Variants in CCNI observed in about 807,000 individuals in gnomAD.
CCNI encodes the protein cyclin I.
Under a neutral mutation model 34.1 loss-of-function variants are expected in CCNI, and 14 were observed. The observed-to-expected ratio is 0.41, with a 90% CI of 0.27 to 0.64. The LOEUF is 0.64. CCNI is among the 30% of genes least tolerant of loss of function. The pLI, the probability that CCNI is intolerant of heterozygous loss-of-function variation, is 0.31. For missense variants in CCNI, 385 were observed against 440.5 expected (o/e 0.87, Z 1.13); for synonymous variants, 154 against 158.4 (o/e 0.97, Z 0.21).
chr4:77,069,372 G>A (rs748493456), intron 1 of CCNI, among the ~76,000 whole-genome samples: 13 of 152,096 alleles, frequency 8.5e-5, no homozygotes, highest in Non-Finnish European at 1.5e-4. Context: ...GCAACAGAAT[G>A]AGACCGTGTC....
At position 77,047,356 on chromosome 4, in the gene CCNI, A is replaced by G. The variant is rs960637957; in HGVS notation, c.*863T>C. ...CTAGGGTACTAAATTCAGTTATAAC[A>G]TGTTACAGACTTAAATCATAGAGCT... On this transcript the variant is annotated 3_prime_UTR_variant, in exon 7 of 7. Transcript: ENST00000237654. 3.3e-5 allele frequency: 5 copies of G among 152,216 alleles called. No individual in the cohort carries two copies. Among genetic ancestry groups the G allele is most frequent in the African/African-American group, 1.2e-4 (5 of 41,460 alleles). 9.4% of individuals were successfully genotyped at this position (152,216 alleles called of 1,614,324 possible).
At chr4:77,058,947 CA>C in intron 2 of CCNI, among the ~76,000 whole-genome samples, 1 of 148,588 alleles carries the variant, frequency 6.7e-6, no homozygotes, top group Non-Finnish European at 1.5e-5. Context: ...ACACTATTAT[CA>C]ACTGATAGTA....
chr4:77,064,184 A>G (rs1312181829), intron 2 of CCNI, among the ~76,000 whole-genome samples: 1 of 152,012 alleles, frequency 6.6e-6, no homozygotes, highest in East Asian at 1.9e-4. Flanking sequence ...CCGAGGTTAC[A>G]GTGAGCCGAG....
intron 2 of CCNI, among the ~76,000 whole-genome samples, chr4:77,065,783 G>T (rs1254287101): frequency 6.6e-6 from 1 of 152,166 alleles, no homozygotes; most frequent in Non-Finnish European, 1.5e-5. Flanking sequence ...GAAAGAAAAG[G>T]CCACAGCAGG....
chr4:77,070,451 T>G (rs1729372681), intron 1 of CCNI, among the ~76,000 whole-genome samples: 9 of 151,330 alleles, frequency 5.9e-5, no homozygotes. Flanking sequence ...CCCAACCCAT[T>G]GTGTGCGAGG....
chr4:77,066,011 G>C (rs1054470686), intron 2 of CCNI, among the ~76,000 whole-genome samples: 4 of 152,182 alleles, frequency 2.6e-5, no homozygotes, highest in African/African-American at 9.7e-5. Flanking sequence ...TGAGGTGAGA[G>C]GATTGCTTGA....
chr4:77,058,142 G>A (rs776365123), intron 3 of CCNI, among the ~76,000 whole-genome samples: 9 of 152,128 alleles, frequency 5.9e-5, no homozygotes, highest in South Asian at 2.1e-4. Context: ...ATGACTTGAC[G>A]TCGGGAGTTC....
chr4:77,061,372 A>C (rs1728594398), intron 2 of CCNI, among the ~76,000 whole-genome samples: 1 of 152,210 alleles, frequency 6.6e-6, no homozygotes, highest in Non-Finnish European at 1.5e-5. Context: ...GTATTTCCTG[A>C]TTCCATCAGG....
chr4:77,074,480 CCA>C (rs1035668321), intron 1 of CCNI, among the ~76,000 whole-genome samples: 3 of 152,178 alleles, frequency 2.0e-5, no homozygotes, highest in Non-Finnish European at 4.4e-5. Flanking sequence ...AGGACAGAGA[CCA>C]CACAGCGTAG....
At chr4:77,071,072 G>C (rs968565182) in intron 1 of CCNI, among the ~76,000 whole-genome samples, 1 of 152,156 alleles carries the variant, frequency 6.6e-6, no homozygotes. Flanking sequence ...AGTGACTCAA[G>C]TTCCTTCACT....
chr4:77,063,979 C>T lies in CCNI; in HGVS notation c.114+2270G>A, dbSNP rs898545567. 4.6e-5 allele frequency among the ~76,000 whole-genome samples: 7 copies of T among 151,936 alleles called. No homozygotes were observed. The South Asian group carries it at 6.2e-4, about 14-fold the overall frequency. ...GGCCAGATTTGGGTGTGGTTGCTCA[C>T]GCCTGTAATCCCAGCACTTTGGGTT... On this transcript the variant is annotated intron_variant, in intron 2 of 6. Coordinates refer to ENST00000237654, the MANE Select transcript of CCNI (RefSeq NM_006835.3).
intron 1 of CCNI, among the ~76,000 whole-genome samples, chr4:77,071,387 GC>G (rs1729456672): frequency 6.6e-6 from 1 of 152,116 alleles, no homozygotes; most frequent in Non-Finnish European, 1.5e-5. Flanking sequence ...ACCTGAAAAT[GC>G]CTCTACTAAA....
rs1462490474 is a variant in CCNI at position 77,075,713 on chromosome 4, G to T, written c.-285C>A. ...GGCCGCTGGGTCGGTCAGCGAATTAGTTCCATGATGACCCCCGGCCTGAGG... is the reference window on the plus strand; with the variant it reads ...GGCCGCTGGGTCGGTCAGCGAATTATTTCCATGATGACCCCCGGCCTGAGG... On this transcript the variant is annotated 5_prime_UTR_variant, in exon 1 of 7. Transcript: ENST00000237654. 3.5e-6 allele frequency: 1 copy of T among 282,374 alleles called. No homozygotes were observed. The highest frequency in any genetic ancestry group is 5.4e-6 in the Non-Finnish European group (1 of 186,862). The allele number at this position is 282,374 out of a possible 1,614,324, so 17.5% of individuals were successfully genotyped here.
rs763485436 is a variant in CCNI at position 77,058,520 on chromosome 4, A to G, written c.230T>C (p.Leu77Ser). The G allele has an allele frequency of 8.1e-6, 13 of 1,612,900 alleles. No individual in the cohort carries two copies. The South Asian group carries it at 1.4e-4, about 18-fold the overall frequency. Residue 77 changes from leucine (L) to serine (S), a missense_variant, in exon 3 of 7, where the codon TTA becomes TCA. Leu to Ser is a moderately radical substitution (Grantham distance 145, BLOSUM62 -2). Around this residue, in one of 2 missense-constraint regions of CCNI, gnomAD observed 135 missense variants for 191.8 expected, o/e 0.70. Coordinates refer to ENST00000237654, the MANE Select transcript of CCNI (RefSeq NM_006835.3). ...TAAAACACTTACCTTTACGGTAGCT[A>G]AAAACCTATCCAAAAGACTGCTAGC... ...ALASSLLDRFLATVKAHPKYL... is the reference protein window; with the variant it reads ...ALASSLLDRFSATVKAHPKYL...
chr4:77,048,097 C>G lies in CCNI; in HGVS notation c.*122G>C. ...ATAATGAGAGTTTTATTTTTTTTTTCTGGCTCACTCCAAATCAGCCTGTTA... is the reference window on the plus strand; with the variant it reads ...ATAATGAGAGTTTTATTTTTTTTTTGTGGCTCACTCCAAATCAGCCTGTTA... On this transcript the variant is annotated 3_prime_UTR_variant, in exon 7 of 7. Coordinates refer to ENST00000237654, the MANE Select transcript of CCNI (RefSeq NM_006835.3). The G allele has an allele frequency of 2.1e-6, 1 of 466,992 alleles. No homozygotes were observed. The highest frequency in any genetic ancestry group is 3.5e-6 in the Non-Finnish European group (1 of 282,662). The allele number at this position is 466,992 out of a possible 1,614,324, so 28.9% of individuals were successfully genotyped here. A position where few individuals can be genotyped will look rare whatever the true frequency, so the allele number is the denominator to read the frequency against.
intron 1 of CCNI, among the ~76,000 whole-genome samples, chr4:77,071,522 G>A (rs1729465253): frequency 6.6e-6 from 1 of 152,164 alleles, no homozygotes; most frequent in Non-Finnish European, 1.5e-5. Context: ...AATTAATGAA[G>A]TAGAGAATAC....
At chr4:77,063,424 T>C (rs542562155) in intron 2 of CCNI, among the ~76,000 whole-genome samples, 23 of 141,582 alleles carry the variant, frequency 1.6e-4, no homozygotes, top group Admixed American at 9.3e-4. Flanking sequence ...AGGTGCTGGG[T>C]GCGGTGGCTC....
At chr4:77,071,404 A>T (rs1037908622) in intron 1 of CCNI, among the ~76,000 whole-genome samples, 5 of 152,232 alleles carry the variant, frequency 3.3e-5, no homozygotes, top group East Asian at 1.9e-4. Context: ...CTAAAAAAGG[A>T]TATCTCAAAT....
chr4:77,062,017 A>C lies in CCNI; in HGVS notation c.115-3382T>G, dbSNP rs4252848. Among the ~76,000 whole-genome samples the C allele has an allele frequency of 6.3e-3, 957 of 152,194 alleles. 15 individuals are homozygous for C. Among genetic ancestry groups the C allele is most frequent in the African/African-American group, 0.022 (909 of 41,544 alleles). On this transcript the variant is annotated intron_variant, in intron 2 of 6. Coordinates refer to ENST00000237654, the MANE Select transcript of CCNI (RefSeq NM_006835.3). The stretch of plus-strand genomic sequence containing the variant: ...ACATCTTCCATCACTTTCTGTCTTA[A>C]ACTTCATGCTGTAATAGTAACTTCT...
Sources: allele counts gnomAD v4.1 joint callset (sites outside exome capture counted in the v4.1 genomes callset), GRCh38; gene constraint gnomAD v4.1.1; regional missense constraint gnomAD v4.1.1; transcripts MANE v1.5; gene names NCBI Gene and HGNC (gene_info 2026-07-23, HGNC 2026-07-21).